GRM7: variants seen among roughly 807,000 people sequenced by gnomAD.
GRM7 encodes glutamate metabotropic receptor 7.
In GRM7, 35 loss-of-function variants were observed where a neutral mutation model predicts 84.5. The ratio of observed to expected loss-of-function variants is 0.41; its 90% CI spans 0.32 to 0.55. The LOEUF is 0.55. Ranked by LOEUF, GRM7 falls within the 20% of genes least tolerant of loss-of-function variation. The probability of loss-of-function intolerance (pLI) is 0.19; values close to 1 mark genes in which losing one functional copy is unlikely to be tolerated. For synonymous variants in GRM7, 487 were observed against 455.1 expected, an observed-to-expected ratio of 1.07 and a Z score of -0.89; for missense variants, 1,003 against 1,194.6, an observed-to-expected ratio of 0.84 and a Z score of 2.36.
At chr3:7,478,827 C>T (rs533782771) in intron 7 of GRM7, among the ~76,000 whole-genome samples, 15 of 152,284 alleles carry the variant, frequency 9.9e-5, no homozygotes, top group Non-Finnish European at 1.6e-4. Flanking sequence ...CCCAGGCATG[C>T]AGTCACCTGC....
intron 2 of GRM7, among the ~76,000 whole-genome samples, chr3:7,154,046 C>A (rs562688593): frequency 6.6e-6 from 1 of 152,114 alleles, no homozygotes; most frequent in African/African-American, 2.4e-5. Context: ...TGCTTGATAG[C>A]GTTTAAATAC....
At chr3:7,416,639 A>G (rs1696171444) in intron 5 of GRM7, among the ~76,000 whole-genome samples, 1 of 152,166 alleles carries the variant, frequency 6.6e-6, no homozygotes, top group Non-Finnish European at 1.5e-5. Flanking sequence ...CAATAATGAT[A>G]TAAAATAAGT....
chr3:7,718,104 A>T (rs1366646973), intron 9 of GRM7, among the ~76,000 whole-genome samples: 1 of 152,144 alleles, frequency 6.6e-6, no homozygotes, highest in Non-Finnish European at 1.5e-5. Context: ...AGTTATACTT[A>T]ACCTCTCTGT....
At chr3:7,156,203 C>A (rs1487541198) in intron 2 of GRM7, among the ~76,000 whole-genome samples, 3 of 152,084 alleles carry the variant, frequency 2.0e-5, no homozygotes, top group African/African-American at 7.2e-5. Context: ...AGTAGAGTCT[C>A]GATCACAGGA....
chr3:7,383,811 C>T (rs1378615176), intron 4 of GRM7, among the ~76,000 whole-genome samples: 9 of 152,126 alleles, frequency 5.9e-5, no homozygotes, highest in African/African-American at 2.2e-4. Flanking sequence ...TATATGAAAT[C>T]TATCTAAAGT....
At chr3:7,604,242 T>A (rs545401444) in intron 8 of GRM7, among the ~76,000 whole-genome samples, 5 of 152,294 alleles carry the variant, frequency 3.3e-5, no homozygotes, top group African/African-American at 9.6e-5. Flanking sequence ...AAAGGTTATT[T>A]GTGATCATAA....
rs1575207130 is a variant in GRM7, at chr3:7,352,253, A to G, written c.1033+45601A>G. Among the ~76,000 whole-genome samples the G allele has an allele frequency of 2.6e-5, 4 of 152,206 alleles. No individual in the cohort carries two copies. The South Asian group carries it at 8.3e-4, about 32-fold the overall frequency. On this transcript the variant is annotated intron_variant, in intron 4 of 9. Transcript: ENST00000357716. ...TTCATGTTATGAACTCTTTATAGAG[A>G]TACACAGAACAAATGCATTTGATAT...
chr3:7,648,370 G>A (rs962053307), intron 8 of GRM7, among the ~76,000 whole-genome samples: 1 of 151,966 alleles, frequency 6.6e-6, no homozygotes, highest in African/African-American at 2.4e-5. Flanking sequence ...ATCAAGGCCG[G>A]GTGCAGTGGC....
intron 1 of GRM7, among the ~76,000 whole-genome samples, chr3:6,917,874 A>C (rs527933160): frequency 6.6e-6 from 1 of 152,178 alleles, no homozygotes; most frequent in Non-Finnish European, 1.5e-5. Context: ...AAAATAGTAC[A>C]GAAAGAAGTT....
intron 6 of GRM7, among the ~76,000 whole-genome samples, chr3:7,455,098 G>C (rs181831441): frequency 5.1e-4 from 78 of 152,218 alleles, no homozygotes; most frequent in African/African-American, 1.9e-3. Context: ...AATTGGAAGA[G>C]ATCCCATTGG....
At chr3:7,700,737 A>G (rs1416151409) in intron 9 of GRM7, among the ~76,000 whole-genome samples, 5 of 152,192 alleles carry the variant, frequency 3.3e-5, no homozygotes, top group Admixed American at 1.3e-4. Context: ...ATTGAAAGAC[A>G]TGAAACCCCA....
chr3:7,313,522 C>T (rs945625932), intron 4 of GRM7, among the ~76,000 whole-genome samples: 2 of 152,058 alleles, frequency 1.3e-5, no homozygotes, highest in Non-Finnish European at 2.9e-5. Flanking sequence ...TTCTTATTCA[C>T]CTCTGTATAC....
chr3:7,740,615 G>A lies in GRM7; in HGVS notation c.*209G>A. ...TGGGCTTAATAAGTCACTGACATCA[G>A]CACTGCCAACTCGGCTGCAATTGTG... On this transcript the variant is annotated 3_prime_UTR_variant, in exon 10 of 10. Transcript: ENST00000357716. The A allele has an allele frequency of 2.4e-6, 1 of 422,522 alleles. No homozygotes were observed. The allele number at this position is 422,522 out of a possible 1,614,324, so 26.2% of individuals were successfully genotyped here.
intron 2 of GRM7, among the ~76,000 whole-genome samples, chr3:7,220,659 T>C (rs1032978775): frequency 1.8e-4 from 27 of 152,176 alleles, no homozygotes; most frequent in African/African-American, 6.5e-4. Flanking sequence ...TACGTCAACA[T>C]TGGTTGATTA....
At chr3:7,083,758 C>G (rs1385670038) in intron 1 of GRM7, among the ~76,000 whole-genome samples, 1 of 152,102 alleles carries the variant, frequency 6.6e-6, no homozygotes, top group Non-Finnish European at 1.5e-5. Context: ...ATAGCACATA[C>G]ATTTACTAAA....
At chr3:7,168,276 T>C (rs1012531790) in intron 2 of GRM7, among the ~76,000 whole-genome samples, 1 of 152,204 alleles carries the variant, frequency 6.6e-6, no homozygotes, top group African/African-American at 2.4e-5. Flanking sequence ...ATTCCCATTG[T>C]TGAGGTTCTT....
chr3:7,040,225 C>G (rs898466659), intron 1 of GRM7, among the ~76,000 whole-genome samples: 3 of 152,166 alleles, frequency 2.0e-5, no homozygotes. Flanking sequence ...ACATTGATAA[C>G]TCATCACCTC....
At chr3:7,617,042 C>CT (rs1697118789) in intron 8 of GRM7, among the ~76,000 whole-genome samples, 1 of 152,112 alleles carries the variant, frequency 6.6e-6, no homozygotes, top group South Asian at 2.1e-4. Context: ...TATATCAAAG[C>CT]TAGCATAATT....
chr3:7,039,135 T>A (rs1220163286), intron 1 of GRM7, among the ~76,000 whole-genome samples: 1 of 152,180 alleles, frequency 6.6e-6, no homozygotes, highest in Non-Finnish European at 1.5e-5. Context: ...AAACTTTTAG[T>A]TTGAGACTCA....
Sources: gnomAD v4.1 joint callset for allele counts (sites outside exome capture counted in the v4.1 genomes callset) on GRCh38, gnomAD v4.1.1 for gene constraint, MANE v1.5 for transcripts, NCBI Gene and HGNC (gene_info 2026-07-23, HGNC 2026-07-21) for gene names.